The following EEPD1 variants were observed in gnomAD, a reference collection of about 807,000 sequenced individuals.
The protein encoded by EEPD1 is endonuclease/exonuclease/phosphatase family domain containing 1, also known as endonuclease/exonuclease/phosphatase family domain-containing protein 1.
EEPD1 carries 17 observed loss-of-function variants against 46.3 expected under a neutral mutation model. That is an observed-to-expected ratio of 0.37 (90% confidence interval 0.25 to 0.55). The LOEUF (loss-of-function observed/expected upper bound fraction) is 0.55, where lower values mean the gene tolerates loss of function less well. EEPD1 is among the 20% of genes least tolerant of loss of function. EEPD1 has a pLI of 0.83. For synonymous variants in EEPD1, 313 were observed against 315.6 expected, an observed-to-expected ratio of 0.99 and a Z score of 0.09; for missense variants, 673 against 745.6, an observed-to-expected ratio of 0.90 and a Z score of 1.13.
At chr7:36,275,306 A>G (rs1367490439) in intron 3 of EEPD1, among the ~76,000 whole-genome samples, 1 of 152,172 alleles carries the variant, frequency 6.6e-6, no homozygotes, top group Admixed American at 6.6e-5. Flanking sequence ...CATTAGCAAC[A>G]CATCTTTATA....
At chr7:36,209,596 A>G (rs1164794569) in intron 2 of EEPD1, among the ~76,000 whole-genome samples, 1 of 152,194 alleles carries the variant, frequency 6.6e-6, no homozygotes, top group Admixed American at 6.5e-5. Flanking sequence ...GAGGCTATTA[A>G]GAGCCACTAC....
At chr7:36,235,219 C>G (rs1786412539) in intron 2 of EEPD1, among the ~76,000 whole-genome samples, 1 of 152,166 alleles carries the variant, frequency 6.6e-6, no homozygotes, top group South Asian at 2.1e-4. Flanking sequence ...CCCACAGCCT[C>G]CAGCCCAGGC....
intron 2 of EEPD1, among the ~76,000 whole-genome samples, chr7:36,230,152 T>A (rs893425892): frequency 1.1e-4 from 17 of 152,098 alleles, no homozygotes; most frequent in Non-Finnish European, 1.8e-4. Flanking sequence ...CATCAGGCCC[T>A]ACCAGCTGCT....
chr7:36,161,481 G>A (rs185715180), intron 2 of EEPD1, among the ~76,000 whole-genome samples: 5 of 152,126 alleles, frequency 3.3e-5, no homozygotes, highest in African/African-American at 7.2e-5. Context: ...TGAGAGGAAG[G>A]AGTGTAGTGG....
chr7:36,287,454 CT>C, intron 5 of EEPD1, 184 bp from the exon 6 acceptor site: 1 of 831,196 alleles, frequency 1.2e-6, no homozygotes, highest in Non-Finnish European at 1.8e-6. Flanking sequence ...GGCCTTGTTC[CT>C]GCAGGTGCCT....
intron 2 of EEPD1, among the ~76,000 whole-genome samples, chr7:36,173,019 T>C (rs1031735724): frequency 1.3e-5 from 2 of 152,112 alleles, no homozygotes; most frequent in African/African-American, 4.8e-5. Flanking sequence ...AGCTAGTGTC[T>C]GATGCTTGGT....
intron 2 of EEPD1, among the ~76,000 whole-genome samples, chr7:36,178,513 A>C (rs1785221695): frequency 6.6e-6 from 1 of 152,224 alleles, no homozygotes; most frequent in South Asian, 2.1e-4. Flanking sequence ...GCCATTTGGA[A>C]ATTCTTCCAG....
intron 2 of EEPD1, among the ~76,000 whole-genome samples, chr7:36,186,910 C>T (rs62445396): frequency 0.022 from 3,360 of 152,324 alleles, 71 homozygotes; most frequent in Admixed American, 0.047. Flanking sequence ...TCTACTGTTA[C>T]GATTGTAAAT....
intron 3 of EEPD1, among the ~76,000 whole-genome samples, chr7:36,275,720 A>G (rs982372317): frequency 2.0e-5 from 3 of 152,190 alleles, no homozygotes; most frequent in Admixed American, 6.5e-5. Flanking sequence ...TCGCCCTTCC[A>G]AAGTATTGGG....
intron 6 of EEPD1, among the ~76,000 whole-genome samples, chr7:36,291,656 T>C (rs967017027): frequency 3.9e-5 from 6 of 152,220 alleles, no homozygotes; most frequent in African/African-American, 1.4e-4. Flanking sequence ...ACATGCGCCC[T>C]CTGGTGGTGG....
chr7:36,155,259 A>C, intron 2 of EEPD1, 57 bp downstream of exon 2: 1 of 1,471,804 alleles, frequency 6.8e-7, no homozygotes, highest in Non-Finnish European at 9.0e-7. Flanking sequence ...GCGTGACCTC[A>C]TCTATGGATG....
Position 36,154,376 on chromosome 7 carries a change from C to G in EEPD1, c.52C>G (p.Leu18Val). The change falls in exon 2 of 8, where the codon CTG (leucine) becomes GTG (valine). Residue 18 changes from leucine (L) to valine (V), a missense_variant. Transcript: ENST00000242108. The surrounding 1 kb of genome is among the most constrained non-coding windows in gnomAD (Gnocchi z 4.2). ...HRSIPRDPSD[L>V]SHSRKFSAAC... ...CTCCATCCCCAGGGACCCCTCGGAC[C>G]TGTCCCATAGCCGCAAGTTCAGCGC... The G allele has an allele frequency of 1.9e-6, 3 of 1,613,794 alleles. No homozygotes were observed. Among genetic ancestry groups the G allele is most frequent in the Non-Finnish European group, 2.5e-6 (3 of 1,180,044 alleles).
intron 3 of EEPD1, among the ~76,000 whole-genome samples, chr7:36,269,068 G>A (rs79864175): frequency 0.025 from 3,835 of 152,180 alleles, 165 homozygotes; most frequent in African/African-American, 0.087. Flanking sequence ...AGTCTGCATG[G>A]GTTTGTTTAA....
At chr7:36,295,542 A>G (rs899300810) in intron 6 of EEPD1, among the ~76,000 whole-genome samples, 3 of 152,224 alleles carry the variant, frequency 2.0e-5, no homozygotes, top group Non-Finnish European at 2.9e-5. Flanking sequence ...GGGGAGCACA[A>G]CTTCATTTTC....
At chr7:36,222,118 A>G (rs559841177) in intron 2 of EEPD1, among the ~76,000 whole-genome samples, 1 of 152,340 alleles carries the variant, frequency 6.6e-6, no homozygotes, top group Non-Finnish European at 1.5e-5. Flanking sequence ...GAAAATTCAC[A>G]TAGAACTTTT....
intron 2 of EEPD1, among the ~76,000 whole-genome samples, chr7:36,211,502 AT>A (rs1177649689): frequency 1.3e-5 from 2 of 152,236 alleles, no homozygotes; most frequent in Admixed American, 6.5e-5. Context: ...GACATTTCAA[AT>A]TCTAAGAAAA....
chr7:36,189,358 A>G (rs1234739874), intron 2 of EEPD1, among the ~76,000 whole-genome samples: 1 of 152,266 alleles, frequency 6.6e-6, no homozygotes, highest in African/African-American at 2.4e-5. Flanking sequence ...AATGCTAAGA[A>G]AAACAAATCA....
chr7:36,220,830 C>T (rs1480182339), intron 2 of EEPD1, among the ~76,000 whole-genome samples: 5 of 152,232 alleles, frequency 3.3e-5, no homozygotes, highest in South Asian at 2.1e-4. Flanking sequence ...GATGGAGTCT[C>T]GCTCTGGTGC....
At chr7:36,219,796 A>AGTGTGTGTGT (rs1186303893) in intron 2 of EEPD1, among the ~76,000 whole-genome samples, 1 of 80,136 alleles carries the variant, frequency 1.2e-5, no homozygotes, top group African/African-American at 3.5e-5. Flanking sequence ...AGAGAGAGAG[A>AGTGTGTGTGT]GAGAGAGAGA....
Sources: gnomAD v4.1 joint callset for allele counts (sites outside exome capture counted in the v4.1 genomes callset) on GRCh38, gnomAD v4.1.1 for gene constraint, Gnocchi (gnomAD v3.1) non-coding constraint, MANE v1.5 for transcripts, NCBI Gene and HGNC (gene_info 2026-07-23, HGNC 2026-07-21) for gene names.